EYS: variants seen among roughly 807,000 people sequenced by gnomAD.
EYS encodes protein eyes shut homolog.
EYS carries 250 observed loss-of-function variants against 282.1 expected under a neutral mutation model. The ratio of observed to expected loss-of-function variants is 0.89; its 90% CI spans 0.80 to 0.98. The LOEUF is 0.98. EYS is among the 50% of genes least tolerant of loss of function. EYS has a pLI of 0.00. For synonymous variants in EYS, 1,355 were observed against 1,282.9 expected (o/e 1.06, Z -1.20); for missense variants, 4,016 against 3,709.0 (o/e 1.08, Z -2.15).
At chr6:63,927,794 C>G (rs1449871538) in intron 35 of EYS, among the ~76,000 whole-genome samples, 1 of 152,190 alleles carries the variant, frequency 6.6e-6, no homozygotes, top group Non-Finnish European at 1.5e-5. Context: ...CTTTAAGCTA[C>G]TGAATGAACA....
intron 36 of EYS, among the ~76,000 whole-genome samples, chr6:63,849,934 G>A (rs1453923690): frequency 6.6e-6 from 1 of 152,140 alleles, no homozygotes; most frequent in Non-Finnish European, 1.5e-5. Flanking sequence ...CTTGATAAAT[G>A]GTTAGAGGAA....
At chr6:63,774,723 ATT>A (rs759129973) in intron 40 of EYS, among the ~76,000 whole-genome samples, 14 of 152,132 alleles carry the variant, frequency 9.2e-5, no homozygotes, top group Non-Finnish European at 2.1e-4. Flanking sequence ...TCCAATTTTT[ATT>A]TGTCAATTAA....
intron 26 of EYS, among the ~76,000 whole-genome samples, chr6:64,517,075 T>C (rs1777581561): frequency 6.6e-6 from 1 of 151,862 alleles, no homozygotes. Flanking sequence ...ATTCACTTTT[T>C]CATTTATAAG....
chr6:65,383,776 C>T (rs1357912974), intron 8 of EYS, among the ~76,000 whole-genome samples: 2 of 151,700 alleles, frequency 1.3e-5, no homozygotes, highest in Admixed American at 6.6e-5. Flanking sequence ...ATTGTCTATT[C>T]ATTTTAACTA....
At chr6:65,535,881 T>C (rs1767947110) in intron 2 of EYS, among the ~76,000 whole-genome samples, 1 of 152,090 alleles carries the variant, frequency 6.6e-6, no homozygotes, top group Non-Finnish European at 1.5e-5. Context: ...GCCCAGGGCA[T>C]AGTTAAGTTG....
chr6:63,929,316 G>A (rs898855093), intron 35 of EYS, among the ~76,000 whole-genome samples: 3 of 152,158 alleles, frequency 2.0e-5, no homozygotes, highest in African/African-American at 7.2e-5. Context: ...TGTGTCAACT[G>A]CTATTTTCTT....
In EYS at chr6:64,549,047, T is replaced by C. The variant is rs12207780; in HGVS notation, c.5644+41176A>G. Among the ~76,000 whole-genome samples, 160 of 152,300 alleles carry C rather than the reference T, an allele frequency of 1.1e-3. 1 individual carries two copies. The highest frequency in any genetic ancestry group is 6.8e-3 in the Middle Eastern group (2 of 294). On this transcript the variant is annotated intron_variant, in intron 26 of 42. Transcript: ENST00000503581. ...TTTGAGAAGCACTCAAATCACCTTATTCATTTTATCAAATTCGGTTCTTTC... is the reference window on the plus strand; with the variant it reads ...TTTGAGAAGCACTCAAATCACCTTACTCATTTTATCAAATTCGGTTCTTTC...
chr6:64,492,208 G>C (rs755426774), intron 26 of EYS, among the ~76,000 whole-genome samples: 1 of 151,004 alleles, frequency 6.6e-6, no homozygotes, highest in Non-Finnish European at 1.5e-5. Flanking sequence ...AAATGTGAAA[G>C]GTAAATTGTC....
intron 12 of EYS, among the ~76,000 whole-genome samples, chr6:65,088,278 G>A (rs1318124093): frequency 1.3e-5 from 2 of 152,152 alleles, no homozygotes; most frequent in Non-Finnish European, 2.9e-5. Flanking sequence ...AATAGGAAGA[G>A]GTTGGAACAG....
intron 26 of EYS, among the ~76,000 whole-genome samples, chr6:64,565,584 A>G (rs76069918): frequency 0.03 from 4,611 of 152,212 alleles, 154 homozygotes; most frequent in East Asian, 0.11. Context: ...AGAAAATAGA[A>G]TGGTGGTTGC....
chr6:64,301,770 G>T (rs573322003), intron 30 of EYS, among the ~76,000 whole-genome samples: 2 of 152,262 alleles, frequency 1.3e-5, no homozygotes, highest in Non-Finnish European at 2.9e-5. Flanking sequence ...TACAAAAATA[G>T]TTCACTCCCC....
chr6:63,806,671 TAGAAA>T (rs1213950818), intron 36 of EYS, among the ~76,000 whole-genome samples: 2 of 152,156 alleles, frequency 1.3e-5, no homozygotes, highest in Non-Finnish European at 2.9e-5. Flanking sequence ...ATTTTAGAAA[TAGAAA>T]AGATTACTGG....
At chr6:65,434,695 C>T (rs1021713473) in intron 5 of EYS, among the ~76,000 whole-genome samples, 1 of 151,824 alleles carries the variant, frequency 6.6e-6, no homozygotes, top group Non-Finnish European at 1.5e-5. Context: ...GGCTGCATAG[C>T]GCCTAAAATC....
chr6:64,280,630 G>C (rs1319914381), intron 30 of EYS, among the ~76,000 whole-genome samples: 2 of 152,088 alleles, frequency 1.3e-5, no homozygotes, highest in Non-Finnish European at 2.9e-5. Flanking sequence ...AAAACCCTGT[G>C]AATATGAATC....
intron 5 of EYS, among the ~76,000 whole-genome samples, chr6:65,470,923 G>A (rs1765186405): frequency 6.6e-6 from 1 of 152,074 alleles, no homozygotes; most frequent in South Asian, 2.1e-4. Context: ...CAGATCATGA[G>A]GTCAGGAGTT....
intron 18 of EYS, among the ~76,000 whole-genome samples, chr6:64,887,709 A>G (rs1767143273): frequency 6.6e-6 from 1 of 152,072 alleles, no homozygotes; most frequent in East Asian, 1.9e-4. Context: ...TAATTAATTG[A>G]GCGCCAGACA....
chr6:64,097,019 C>T (rs1772644726), intron 31 of EYS, among the ~76,000 whole-genome samples: 1 of 152,150 alleles, frequency 6.6e-6, no homozygotes, highest in Admixed American at 6.5e-5. Context: ...GAGGTCCACT[C>T]CAGACCCTTT....
chr6:64,028,817 T>G (rs1306973058), intron 33 of EYS, among the ~76,000 whole-genome samples: 1 of 152,182 alleles, frequency 6.6e-6, no homozygotes, highest in Non-Finnish European at 1.5e-5. Context: ...CTCTAGATCT[T>G]TTGAACTTTC....
At position 64,345,356 on chromosome 6, in the gene EYS, T is replaced by C. The variant is rs1341237759; in HGVS notation, c.6079-38274A>G. On this transcript the variant is annotated intron_variant, in intron 29 of 42. Transcript: ENST00000503581. ...TGGTACTGGTACCAAAACAGAGATG[T>C]AGACCAATGGAACAGAACAGAGCCC... Among the ~76,000 whole-genome samples the C allele has an allele frequency of 3.9e-5, 6 of 152,086 alleles. No homozygotes were observed. The East Asian group carries it at 1.2e-3, about 29-fold the overall frequency.
Sources: allele counts gnomAD v4.1 joint callset (sites outside exome capture counted in the v4.1 genomes callset), GRCh38; gene constraint gnomAD v4.1.1; transcripts MANE v1.5; gene names NCBI Gene and HGNC (gene_info 2026-07-23, HGNC 2026-07-21).